PADI3: variants seen among roughly 807,000 people sequenced by gnomAD.
PADI3 encodes the protein peptidyl arginine deiminase 3, also known as protein-arginine deiminase type-3.
Under a neutral mutation model 71.5 loss-of-function variants are expected in PADI3, and 53 were observed. The observed-to-expected ratio is 0.74, with a 90% CI of 0.59 to 0.93. The LOEUF (loss-of-function observed/expected upper bound fraction) is 0.93, where lower values mean the gene tolerates loss of function less well. PADI3 is among the 40% of genes least tolerant of loss of function. PADI3 has a pLI of 0.00. For missense variants in PADI3, 821 were observed against 868.0 expected, an observed-to-expected ratio of 0.95 and a Z score of 0.68; for synonymous variants, 361 against 347.5, an observed-to-expected ratio of 1.04 and a Z score of -0.43.
intron 1 of PADI3, 83 bp downstream of exon 1, chr1:17,249,312 C>G: frequency 8.9e-7 from 1 of 1,119,266 alleles, no homozygotes; most frequent in South Asian, 1.2e-5. Context: ...GGCAGGGCTT[C>G]TTCAGGGCCC....
chr1:17,275,779 A>G (rs1245154282), intron 11 of PADI3, among the ~76,000 whole-genome samples: 1 of 152,234 alleles, frequency 6.6e-6, no homozygotes, highest in Non-Finnish European at 1.5e-5. Flanking sequence ...ATAATGAATG[A>G]ATCCAGAGTC....
intron 11 of PADI3, among the ~76,000 whole-genome samples, chr1:17,275,436 C>CAAAAAAAAAAAA (rs10617336): frequency 1.1e-5 from 1 of 89,482 alleles, no homozygotes; most frequent in Non-Finnish European, 2.0e-5. Flanking sequence ...GACTCCGTCT[C>CAAAAAAAAAAAA]AAAAAAAAAA....
At chr1:17,253,221 G>T (rs369778820) in intron 1 of PADI3, among the ~76,000 whole-genome samples, 1 of 152,158 alleles carries the variant, frequency 6.6e-6, no homozygotes, top group African/African-American at 2.4e-5. Flanking sequence ...GGCTCTAAGG[G>T]CCCCAGAGCT....
intron 6 of PADI3, among the ~76,000 whole-genome samples, chr1:17,269,865 G>A (rs896557664): frequency 1.3e-5 from 2 of 152,122 alleles, no homozygotes; most frequent in Admixed American, 6.5e-5. Context: ...GTGATCCACC[G>A]CCTTCGGTCT....
chr1:17,270,821 C>T, intron 7 of PADI3, 58 bp from the exon 8 acceptor site: 2 of 1,248,566 alleles, frequency 1.6e-6, no homozygotes, highest in Non-Finnish European at 2.4e-6. Flanking sequence ...AATCAGAGTC[C>T]CCCCAGGCCT....
rs867719161 is a variant in PADI3, at chr1:17,261,539, A to T, written c.274-594A>T. 5.3e-5 allele frequency among the ~76,000 whole-genome samples: 8 copies of T among 152,222 alleles called. No individual in the cohort carries two copies. The South Asian group carries it at 6.2e-4, about 12-fold the overall frequency. ...GCATTTAACCAGCCCCCACCCCACA[A>T]GATGCCACCTGCCCACTGATAACAG... On this transcript the variant is annotated intron_variant, in intron 2 of 15. Transcript: ENST00000375460.
At chr1:17,270,163 C>T (rs1045128217) in intron 6 of PADI3, 70 bp from the exon 7 acceptor site, 3 of 1,514,880 alleles carry the variant, frequency 2.0e-6, no homozygotes, top group African/African-American at 2.8e-5. Context: ...CAGACCTCTT[C>T]CTGTGTCCCT....
At position 17,270,947 on chromosome 1, in the gene PADI3, C is replaced by T. The variant is rs771856526; in HGVS notation, c.900C>T (p.Pro300=). The change falls in exon 8 of 16, where the codon CCC becomes CCT. Residue 300 remains proline, a synonymous_variant. Transcript: ENST00000375460. ...VFRVAPWIMT[P]STLPPLEVYV... is the part of the protein sequence containing the mutation. The stretch of plus-strand genomic sequence containing the variant: ...GAGTGGCACCCTGGATCATGACGCC[C>T]AGCACTCTGCCACCCCTAGAGGTGT... 8.1e-6 allele frequency: 13 copies of T among 1,614,146 alleles called. No homozygotes were observed. The Admixed American group carries it at 8.3e-5, about 10-fold the overall frequency.
intron 13 of PADI3, among the ~76,000 whole-genome samples, chr1:17,277,593 T>G (rs2073351639): frequency 1.3e-5 from 2 of 152,188 alleles, no homozygotes; most frequent in African/African-American, 4.8e-5. Flanking sequence ...TCTCCCAGCC[T>G]CCCTGCCTCC....
intron 2 of PADI3, among the ~76,000 whole-genome samples, chr1:17,261,771 C>T (rs1428434265): frequency 6.6e-6 from 1 of 152,262 alleles, no homozygotes; most frequent in Non-Finnish European, 1.5e-5. Flanking sequence ...AAGCCCGGGC[C>T]TGTCTGAGTC....
At chr1:17,250,567 C>G (rs996554870) in intron 1 of PADI3, among the ~76,000 whole-genome samples, 1 of 152,074 alleles carries the variant, frequency 6.6e-6, no homozygotes, top group Non-Finnish European at 1.5e-5. Flanking sequence ...GGAACCAAGT[C>G]GGGAGCAGAG....
intron 1 of PADI3, among the ~76,000 whole-genome samples, chr1:17,254,301 C>T (rs949878440): frequency 1.3e-5 from 2 of 152,172 alleles, no homozygotes; most frequent in Non-Finnish European, 2.9e-5. Flanking sequence ...CATCCCAGCT[C>T]GGTGGAGACC....
At chr1:17,267,705 G>T in intron 5 of PADI3, 132 bp from the exon 6 acceptor site, 1 of 988,530 alleles carries the variant, frequency 1.0e-6, no homozygotes, top group South Asian at 1.6e-5. Context: ...TGGCTTCCAG[G>T]GTTTTCACAA....
At chr1:17,273,612 C>G (rs952855273) in intron 10 of PADI3, among the ~76,000 whole-genome samples, 165 bp downstream of exon 10, 2 of 152,182 alleles carry the variant, frequency 1.3e-5, no homozygotes, top group Admixed American at 1.3e-4. Context: ...ATGTGAATTT[C>G]AGACAAGCAA....
intron 2 of PADI3, among the ~76,000 whole-genome samples, chr1:17,260,704 T>C (rs2073092550): frequency 1.3e-5 from 2 of 152,178 alleles, no homozygotes; most frequent in African/African-American, 4.8e-5. Flanking sequence ...CAGGACCCAA[T>C]GAACCCATTT....
intron 13 of PADI3, 109 bp from the exon 14 acceptor site, chr1:17,280,241 G>A (rs1435985425): frequency 3.0e-5 from 25 of 844,810 alleles, no homozygotes; most frequent in South Asian, 1.3e-4. Flanking sequence ...CTGCTGACTC[G>A]GCAAGACCAT....
At chr1:17,273,078 C>G (rs2073277139) in intron 9 of PADI3, among the ~76,000 whole-genome samples, 1 of 152,162 alleles carries the variant, frequency 6.6e-6, no homozygotes, top group South Asian at 2.1e-4. Context: ...AGGGACACCC[C>G]CAAGGTCATG....
chr1:17,268,818 A>G (rs948466141), intron 6 of PADI3, among the ~76,000 whole-genome samples: 2 of 151,422 alleles, frequency 1.3e-5, no homozygotes, highest in Admixed American at 6.6e-5. Context: ...CTTATTTTTT[A>G]AATAATCAGA....
chr1:17,262,352 G>A (rs985323632), intron 3 of PADI3, 147 bp downstream of exon 3: 14 of 604,990 alleles, frequency 2.3e-5, no homozygotes, highest in Middle Eastern at 2.5e-4. Flanking sequence ...CTAGAGATAC[G>A]CTGTGCTTAT....
Sources: allele counts gnomAD v4.1 joint callset (sites outside exome capture counted in the v4.1 genomes callset), GRCh38; gene constraint gnomAD v4.1.1; transcripts MANE v1.5; gene names NCBI Gene and HGNC (gene_info 2026-07-23, HGNC 2026-07-21).